The following EEPD1 variants were observed in gnomAD, a reference collection of about 807,000 sequenced individuals.
EEPD1 encodes the protein endonuclease/exonuclease/phosphatase family domain containing 1.
Under a neutral mutation model 46.3 loss-of-function variants are expected in EEPD1, and 17 were observed. That is an observed-to-expected ratio of 0.37 (90% CI 0.25 to 0.55). EEPD1 has a LOEUF of 0.55. Among genes scored for constraint, EEPD1 ranks in the 20% least tolerant of loss-of-function variants. EEPD1 has a pLI of 0.83. For missense variants in EEPD1, 673 were observed against 745.6 expected, an observed-to-expected ratio of 0.90 and a Z score of 1.13; for synonymous variants, 313 against 315.6, an observed-to-expected ratio of 0.99 and a Z score of 0.09.
At chr7:36,261,913 T>C (rs1389629419) in intron 3 of EEPD1, among the ~76,000 whole-genome samples, 3 of 152,226 alleles carry the variant, frequency 2.0e-5, no homozygotes, top group Non-Finnish European at 4.4e-5. Flanking sequence ...TTTATTAACC[T>C]TCAGGAGGCA....
intron 2 of EEPD1, among the ~76,000 whole-genome samples, chr7:36,166,281 A>T (rs951110051): frequency 4.6e-5 from 7 of 152,270 alleles, no homozygotes; most frequent in African/African-American, 1.7e-4. Context: ...GTAACAAAAA[A>T]TGCAAGTAGT....
At chr7:36,219,798 AGAGAGAGAGTGTGTGT>A (rs1416678389) in intron 2 of EEPD1, among the ~76,000 whole-genome samples, 14 of 77,048 alleles carry the variant, frequency 1.8e-4, no homozygotes, top group South Asian at 5.4e-4. Context: ...AGAGAGAGAG[AGAGAGAGAGTGTGTGT>A]GTGTGTGTGT....
chr7:36,161,291 A>G (rs1392729242), intron 2 of EEPD1, among the ~76,000 whole-genome samples: 2 of 152,178 alleles, frequency 1.3e-5, no homozygotes, highest in Admixed American at 6.5e-5. Context: ...AAGGACATAC[A>G]CATTCAGCAG....
intron 3 of EEPD1, among the ~76,000 whole-genome samples, chr7:36,275,106 C>T (rs970245809): frequency 2.6e-5 from 4 of 152,196 alleles, no homozygotes; most frequent in African/African-American, 9.7e-5. Flanking sequence ...AAGTCACGTC[C>T]AGAGTCAGGA....
At chr7:36,183,133 C>G (rs934222675) in intron 2 of EEPD1, among the ~76,000 whole-genome samples, 2 of 152,190 alleles carry the variant, frequency 1.3e-5, no homozygotes, top group Non-Finnish European at 1.5e-5. Flanking sequence ...ACCAACTGTT[C>G]TAACTGTTCA....
rs188681185 is a variant in EEPD1, at chr7:36,186,510, A to G, written c.878+31308A>G. On this transcript the variant is annotated intron_variant, in intron 2 of 7. Transcript: ENST00000242108. ...AGGATTCTGTCAGGCTCATTCAAGG[A>G]CAGCAAAAATGCATCGCCACATTCT... is the stretch of plus-strand genomic sequence containing the variant. 3.1e-3 allele frequency among the ~76,000 whole-genome samples: 478 copies of G among 152,338 alleles called. 2 individuals carry two copies. Among genetic ancestry groups the G allele is most frequent in the Non-Finnish European group, 5.5e-3 (372 of 68,038 alleles).
At chr7:36,207,992 G>A (rs1232828604) in intron 2 of EEPD1, among the ~76,000 whole-genome samples, 1 of 151,250 alleles carries the variant, frequency 6.6e-6, no homozygotes, top group Non-Finnish European at 1.5e-5. Flanking sequence ...GACAGTGCCA[G>A]TCTGAAGCCT....
chr7:36,171,501 A>G (rs11769392), intron 2 of EEPD1, among the ~76,000 whole-genome samples: 12,770 of 152,268 alleles, frequency 0.084, 563 homozygotes, highest in African/African-American at 0.1. Flanking sequence ...CATAGTTCAG[A>G]CATCATTGAT....
chr7:36,281,079 G>A (rs1487314340), intron 3 of EEPD1, 36 bp from the exon 4 acceptor site: 13 of 1,599,342 alleles, frequency 8.1e-6, no homozygotes, highest in East Asian at 2.2e-5. Flanking sequence ...CTTTAGGCGC[G>A]AACCCACGCT....
chr7:36,287,921 T>C (rs2115885319), intron 6 of EEPD1, 144 bp downstream of exon 6: 1 of 1,189,582 alleles, frequency 8.4e-7, no homozygotes, highest in Non-Finnish European at 1.2e-6. Context: ...ACCTCTGGCA[T>C]CTCATGGAGC....
At position 36,193,606 on chromosome 7, in the gene EEPD1, C is replaced by G. The variant is rs1189992855; in HGVS notation, c.878+38404C>G. Among the ~76,000 whole-genome samples the G allele has an allele frequency of 6.6e-6, 1 of 152,154 alleles. No individual in the cohort carries two copies. The highest frequency in any genetic ancestry group is 1.5e-5 in the Non-Finnish European group (1 of 68,024). The stretch of plus-strand genomic sequence containing the variant: ...CCCCTGTCCTAGGAGAGTCCTGTGT[C>G]TAGAAAAGCTCCAGGGACCACGGCC... On this transcript the variant is annotated intron_variant, in intron 2 of 7. Coordinates refer to ENST00000242108, the MANE Select transcript of EEPD1 (RefSeq NM_030636.3). This position sits in a 1 kb window ranked among gnomAD's most constrained non-coding sequence, Gnocchi z 4.9.
At chr7:36,254,017 AC>A (rs1562703167) in intron 3 of EEPD1, among the ~76,000 whole-genome samples, 1 of 151,878 alleles carries the variant, frequency 6.6e-6, no homozygotes, top group Non-Finnish European at 1.5e-5. Context: ...GTTCCTCATT[AC>A]TTTCTTTTGC....
intron 2 of EEPD1, among the ~76,000 whole-genome samples, chr7:36,199,048 C>T (rs994613024): frequency 3.3e-5 from 5 of 152,044 alleles, no homozygotes; most frequent in African/African-American, 7.2e-5. Flanking sequence ...CTCAATTTCA[C>T]ACTTACCCAG....
intron 2 of EEPD1, among the ~76,000 whole-genome samples, chr7:36,165,335 G>A (rs1406211399): frequency 1.3e-5 from 2 of 151,428 alleles, no homozygotes; most frequent in South Asian, 2.1e-4. Context: ...CCTAGGAGTA[G>A]GCTCTAGCAT....
At position 36,178,573 on chromosome 7, in the gene EEPD1, C is replaced by T. The variant is rs569434631; in HGVS notation, c.878+23371C>T. ...CAGTCTTCCCTCTCTTCTGCCAACCCTTGCTCTTCCTTTAGGTACCAGCAT... is the reference window on the plus strand; with the variant it reads ...CAGTCTTCCCTCTCTTCTGCCAACCTTTGCTCTTCCTTTAGGTACCAGCAT... On this transcript the variant is annotated intron_variant, in intron 2 of 7. Transcript: ENST00000242108. Among the ~76,000 whole-genome samples, 5 of 152,354 alleles carry T rather than the reference C, an allele frequency of 3.3e-5. No homozygotes were observed. The East Asian group carries it at 9.6e-4, about 29-fold the overall frequency.
intron 2 of EEPD1, among the ~76,000 whole-genome samples, chr7:36,191,601 C>T (rs995838940): frequency 2.0e-5 from 3 of 152,162 alleles, no homozygotes; most frequent in Admixed American, 6.5e-5. Context: ...ACTGGTTTTC[C>T]GCAGTGAGAT....
intron 2 of EEPD1, among the ~76,000 whole-genome samples, chr7:36,191,116 A>G (rs547218981): frequency 6.6e-6 from 1 of 152,344 alleles, no homozygotes; most frequent in South Asian, 2.1e-4. Context: ...CACTGGTATC[A>G]GGTCATGAAG....
rs1346181628 is a variant in EEPD1 at position 36,193,644 on chromosome 7, T to C, written c.878+38442T>C. Among the ~76,000 whole-genome samples, 2 of 152,174 alleles carry C rather than the reference T, an allele frequency of 1.3e-5. No homozygotes were observed. Among genetic ancestry groups the C allele is most frequent in the Non-Finnish European group, 2.9e-5 (2 of 68,028 alleles). On this transcript the variant is annotated intron_variant, in intron 2 of 7. Coordinates refer to ENST00000242108, the MANE Select transcript of EEPD1 (RefSeq NM_030636.3). This position sits in a 1 kb window ranked among gnomAD's most constrained non-coding sequence, Gnocchi z 4.9. ...AGGGACCACGGCCTTCAGATGGCCC[T>C]GCCTGTGGACACTGCGAGTATTGTT...
intron 3 of EEPD1, among the ~76,000 whole-genome samples, chr7:36,278,777 C>T (rs1416788572): frequency 6.6e-6 from 1 of 152,186 alleles, no homozygotes; most frequent in African/African-American, 2.4e-5. Context: ...CTGCATCTTC[C>T]AAAGTGTTTT....
Sources: allele counts gnomAD v4.1 joint callset (sites outside exome capture counted in the v4.1 genomes callset), GRCh38; gene constraint gnomAD v4.1.1; non-coding constraint Gnocchi (gnomAD v3.1); transcripts MANE v1.5; gene names NCBI Gene and HGNC (gene_info 2026-07-23, HGNC 2026-07-21).